The following DAB2IP variants were observed in gnomAD, a reference collection of about 807,000 sequenced individuals.
DAB2IP encodes disabled homolog 2-interacting protein.
A neutral mutation model predicts 107.2 loss-of-function variants in DAB2IP; 28 were observed. The ratio of observed to expected loss-of-function variants is 0.26; its 90% CI spans 0.19 to 0.36. The LOEUF (loss-of-function observed/expected upper bound fraction) is 0.36. Ranked by LOEUF, DAB2IP falls within the 10% of genes least tolerant of loss-of-function variation. The probability of loss-of-function intolerance (pLI) is 1.00; values close to 1 mark genes in which losing one functional copy is unlikely to be tolerated. For synonymous variants in DAB2IP, 755 were observed against 706.4 expected, an observed-to-expected ratio of 1.07 and a Z score of -1.09; for missense variants, 1,400 against 1,644.7, an observed-to-expected ratio of 0.85 and a Z score of 2.57.
At chr9:121,742,601 T>C (rs988600694) in intron 3 of DAB2IP, among the ~76,000 whole-genome samples, 1 of 152,162 alleles carries the variant, frequency 6.6e-6, no homozygotes, top group African/African-American at 2.4e-5. Flanking sequence ...AGGCAGGCCC[T>C]GCCCACCCTT....
chr9:121,775,868 G>A (rs1374632243), intron 13 of DAB2IP, among the ~76,000 whole-genome samples: 2 of 152,224 alleles, frequency 1.3e-5, no homozygotes, highest in Non-Finnish European at 2.9e-5. Flanking sequence ...GTATCCAAGG[G>A]TTTTTTAACC....
intron 1 of DAB2IP, among the ~76,000 whole-genome samples, chr9:121,608,413 G>C (rs1830961386): frequency 6.6e-6 from 1 of 152,164 alleles, no homozygotes. Context: ...GGAAACAATA[G>C]GGGTAGATTT....
At chr9:121,728,143 G>C (rs1355782104) in intron 3 of DAB2IP, among the ~76,000 whole-genome samples, 1 of 152,116 alleles carries the variant, frequency 6.6e-6, no homozygotes, top group Non-Finnish European at 1.5e-5. Flanking sequence ...AGCGATCCCA[G>C]GGCAGGAGGC....
At chr9:121,667,898 A>G (rs185139548) in intron 1 of DAB2IP, among the ~76,000 whole-genome samples, 12 of 152,328 alleles carry the variant, frequency 7.9e-5, no homozygotes, top group Admixed American at 5.9e-4. Context: ...AATTGGATTT[A>G]CGGTTCCATG....
chr9:121,686,625 A>C (rs548392066), intron 2 of DAB2IP, among the ~76,000 whole-genome samples: 1 of 152,250 alleles, frequency 6.6e-6, no homozygotes, highest in African/African-American at 2.4e-5. Context: ...CAACCCAGGG[A>C]TGAAGCAGGA....
chr9:121,676,641 A>ACACACACACACACACACACACACACT lies in DAB2IP; in HGVS notation c.125-2026_125-2025insACACACACACACACTCACACACACAC, dbSNP rs1219329345. Among the ~76,000 whole-genome samples, 615 of 151,762 alleles carry ACACACACACACACACACACACACACT rather than the reference A, an allele frequency of 4.1e-3. 5 individuals carry two copies. Among genetic ancestry groups the ACACACACACACACACACACACACACT allele is most frequent in the African/African-American group, 0.014 (576 of 41,080 alleles). On this transcript the variant is annotated intron_variant, in intron 1 of 15. Transcript: ENST00000408936. ...TGTTAGGAGTTCTGCAGACGCACAC[A>ACACACACACACACACACACACACACT]CACACACACACTCACACACACACGC...
intron 1 of DAB2IP, among the ~76,000 whole-genome samples, chr9:121,644,897 C>A (rs970360461): frequency 1.3e-5 from 2 of 152,206 alleles, no homozygotes; most frequent in Non-Finnish European, 2.9e-5. Context: ...TTCAGCTGTC[C>A]TCCTCTGTGG....
At chr9:121,585,026 T>G (rs1830281707) in intron 1 of DAB2IP, among the ~76,000 whole-genome samples, 1 of 152,214 alleles carries the variant, frequency 6.6e-6, no homozygotes, top group African/African-American at 2.4e-5. Flanking sequence ...TGCCTCAGTC[T>G]GCTGAGTAGC....
chr9:121,752,011 G>A (rs1431507620), intron 3 of DAB2IP: 19 of 985,414 alleles, frequency 1.9e-5, no homozygotes, highest in African/African-American at 5.2e-5. Flanking sequence ...CTGGAGCGCT[G>A]TCATGGGGCT....
intron 3 of DAB2IP, among the ~76,000 whole-genome samples, chr9:121,732,768 G>A (rs1388039427): frequency 6.6e-6 from 1 of 152,200 alleles, no homozygotes; most frequent in Non-Finnish European, 1.5e-5. Flanking sequence ...ATGTGAGCTT[G>A]GGCAACTTTT....
chr9:121,634,787 G>A lies in DAB2IP; in HGVS notation c.41-43891G>A, dbSNP rs1466186300. Among the ~76,000 whole-genome samples the A allele has an allele frequency of 1.3e-5, 2 of 152,148 alleles. No individual in the cohort carries two copies. The highest frequency in any genetic ancestry group is 4.8e-5 in the African/African-American group (2 of 41,434). ...TAGCAATAGGAGAAGGCAGTGGACA[G>A]CCCCATTGGTCCTGCCCCCACCCCA... On this transcript the variant is annotated intron_variant, in intron 1 of 16. Coordinates refer to the DAB2IP transcript ENST00000259371. The surrounding 1 kb of genome is among the most constrained non-coding windows in gnomAD (Gnocchi z 4.7).
At chr9:121,590,550 T>G (rs577980848) in intron 1 of DAB2IP, among the ~76,000 whole-genome samples, 53 of 152,228 alleles carry the variant, frequency 3.5e-4, no homozygotes, top group African/African-American at 1.3e-3. Context: ...TGAGCCTCAG[T>G]TTCCTCATCT....
intron 3 of DAB2IP, among the ~76,000 whole-genome samples, chr9:121,747,698 A>G (rs1040325568): frequency 2.0e-5 from 3 of 152,068 alleles, no homozygotes; most frequent in Non-Finnish European, 2.9e-5. Flanking sequence ...GCTGAGGTTT[A>G]TGAATGTTTA....
chr9:121,728,493 A>C (rs961034151), intron 3 of DAB2IP, among the ~76,000 whole-genome samples: 1 of 152,172 alleles, frequency 6.6e-6, no homozygotes, highest in African/African-American at 2.4e-5. Flanking sequence ...GATGTAAGGT[A>C]GGCATTGTGA....
In DAB2IP at chr9:121,746,082, G is replaced by C. The variant is rs114398148; in HGVS notation, c.363-10931G>C. ...AGGGGCTTTTTGAGAGCTCAGCTGT[G>C]GGGGGAGAGTCAGGAAGGATCTGCT... On this transcript the variant is annotated intron_variant, in intron 3 of 15. Transcript: ENST00000408936. 8.1e-3 allele frequency among the ~76,000 whole-genome samples: 1,240 copies of C among 152,234 alleles called. 18 individuals are homozygous for C. The highest frequency in any genetic ancestry group is 0.029 in the African/African-American group (1,190 of 41,530).
intron 1 of DAB2IP, chr9:121,598,141 T>A (rs1157527560): frequency 1.3e-5 from 2 of 152,266 alleles, no homozygotes; most frequent in Non-Finnish European, 2.9e-5. Context: ...GGACGCTGGC[T>A]TCCCCCTGGA....
Position 121,772,722 on chromosome 9 carries a change from G to A in DAB2IP, c.2194G>A (p.Ala732Thr). 6.2e-7 allele frequency: 1 copy of A among 1,614,012 alleles called. No homozygotes were observed. ...TGCCCGCAGCTCGAGTTACTCGGAA[G>A]CCAACGAGCCTGATCTTCAGATGGC... Residue 732 changes from alanine to threonine, a missense_variant, in exon 12 of 16, where the codon GCC (alanine) becomes ACC (threonine). Transcript: ENST00000408936. This position sits in a 1 kb window ranked among gnomAD's most constrained non-coding sequence, Gnocchi z 4.7.
rs140310913 is a variant in DAB2IP at position 121,622,197 on chromosome 9, C to A, written c.40+54969C>A. On this transcript the variant is annotated intron_variant, in intron 1 of 16. Coordinates refer to the DAB2IP transcript ENST00000259371. ...CAGAGATGGAGTTTCACCGTGTTGG[C>A]CACGATGGTCTCGATTTCCTGACCT... Among the ~76,000 whole-genome samples, 601 of 151,740 alleles carry A rather than the reference C, an allele frequency of 4.0e-3. 6 individuals are homozygous for A. Among genetic ancestry groups the A allele is most frequent in the African/African-American group, 0.014 (580 of 41,384 alleles).
intron 1 of DAB2IP, among the ~76,000 whole-genome samples, chr9:121,674,780 C>T (rs552459112): frequency 3.9e-5 from 6 of 151,914 alleles, no homozygotes; most frequent in South Asian, 2.1e-4. Context: ...ACATCCTCAC[C>T]GGGCACCCAG....
Sources: allele counts gnomAD v4.1 joint callset (sites outside exome capture counted in the v4.1 genomes callset), GRCh38; gene constraint gnomAD v4.1.1; non-coding constraint Gnocchi (gnomAD v3.1); transcripts MANE v1.5; gene names NCBI Gene and HGNC (gene_info 2026-07-23, HGNC 2026-07-21).